SDK1: variants seen among roughly 807,000 people sequenced by gnomAD.
SDK1 encodes the protein protein sidekick-1.
A neutral mutation model predicts 245.5 loss-of-function variants in SDK1; 157 were observed. The observed-to-expected ratio is 0.64, with a 90% CI of 0.56 to 0.73. The LOEUF is 0.73. SDK1 is among the 30% of genes least tolerant of loss of function. The pLI is 0.00. For synonymous variants in SDK1, 1,647 were observed against 1,278.5 expected (o/e 1.29, Z -6.15); for missense variants, 3,583 against 3,002.3 (o/e 1.19, Z -4.52).
At chr7:3,475,504 G>C (rs905619264) in intron 1 of SDK1, among the ~76,000 whole-genome samples, 1 of 152,226 alleles carries the variant, frequency 6.6e-6, no homozygotes, top group Admixed American at 6.5e-5. Flanking sequence ...GGACAAAGGA[G>C]ATGCTTCACA....
intron 1 of SDK1, among the ~76,000 whole-genome samples, chr7:3,528,617 A>C (rs1714787659): frequency 6.6e-6 from 1 of 152,124 alleles, no homozygotes; most frequent in African/African-American, 2.4e-5. Flanking sequence ...TTCTCATAAC[A>C]ATCTTTGTAA....
chr7:3,453,196 G>C (rs1780569851), intron 1 of SDK1, among the ~76,000 whole-genome samples: 1 of 152,146 alleles, frequency 6.6e-6, no homozygotes, highest in South Asian at 2.1e-4. Context: ...TATCTGAGCA[G>C]AGCCAGTGCC....
intron 4 of SDK1, among the ~76,000 whole-genome samples, chr7:3,666,661 TG>T (rs1178858489): frequency 5.3e-5 from 8 of 151,892 alleles, no homozygotes; most frequent in African/African-American, 1.9e-4. Context: ...TGTGCGTCGT[TG>T]GCGATTGGTA....
chr7:3,636,385 C>G (rs560942003), intron 2 of SDK1, among the ~76,000 whole-genome samples: 6 of 152,162 alleles, frequency 3.9e-5, no homozygotes, highest in Non-Finnish European at 7.4e-5. Flanking sequence ...CCTGTACCCA[C>G]TAGTGGCCAC....
intron 2 of SDK1, among the ~76,000 whole-genome samples, chr7:3,635,951 C>T (rs1782445138): frequency 6.6e-6 from 1 of 152,152 alleles, no homozygotes; most frequent in East Asian, 1.9e-4. Flanking sequence ...TAGACACCTT[C>T]CCATATGTGA....
intron 41 of SDK1, among the ~76,000 whole-genome samples, chr7:4,236,886 C>T (rs34177767): frequency 0.19 from 28,767 of 152,034 alleles, 3,054 homozygotes; most frequent in Non-Finnish European, 0.24. Flanking sequence ...TCACTTTAAC[C>T]CACACAACGT....
chr7:4,125,337 A>G (rs1784322215), intron 25 of SDK1, among the ~76,000 whole-genome samples: 1 of 147,058 alleles, frequency 6.8e-6, no homozygotes, highest in South Asian at 2.3e-4. Flanking sequence ...GGATGGATGA[A>G]TGAATAGATG....
intron 17 of SDK1, among the ~76,000 whole-genome samples, chr7:4,021,534 G>T (rs1786894913): frequency 6.6e-6 from 1 of 152,280 alleles, no homozygotes; most frequent in African/African-American, 2.4e-5. Flanking sequence ...CAGCTCCGAG[G>T]TCATCAGAGA....
intron 17 of SDK1, among the ~76,000 whole-genome samples, chr7:4,032,914 C>T (rs897786530): frequency 5.9e-5 from 9 of 152,200 alleles, no homozygotes; most frequent in Non-Finnish European, 1.0e-4. Flanking sequence ...AGAATTGTCA[C>T]ATGATCCCCA....
rs1584043441 is a variant in SDK1 at position 4,077,189 on chromosome 7, G to A, written c.3202G>A (p.Asp1068Asn). The A allele has an allele frequency of 1.2e-6, 2 of 1,613,934 alleles. No individual in the cohort carries two copies. The highest frequency in any genetic ancestry group is 4.5e-5 in the East Asian group (2 of 44,886). ...SSTISSGVPPDLPGAPSNLVI... is the reference protein window; with the variant it reads ...SSTISSGVPPNLPGAPSNLVI... ...CACCATTTCTTCTGGAGTGCCCCCAGGTCAGTAGAATCGTGTGCGGTCCTC... is the reference window on the plus strand; with the variant it reads ...CACCATTTCTTCTGGAGTGCCCCCAAGTCAGTAGAATCGTGTGCGGTCCTC... Residue 1068 changes from aspartate (D) to asparagine (N), a missense_variant and splice_region_variant, in exon 21 of 45, where the codon GAC becomes AAC. Transcript: ENST00000404826.
At chr7:3,501,042 C>T (rs1294212522) in intron 1 of SDK1, among the ~76,000 whole-genome samples, 1 of 152,044 alleles carries the variant, frequency 6.6e-6, no homozygotes, top group Non-Finnish European at 1.5e-5. Context: ...TGATTTCTAA[C>T]TTCTCTGTTA....
chr7:3,757,595 C>T (rs573435096), intron 4 of SDK1, among the ~76,000 whole-genome samples: 386 of 152,154 alleles, frequency 2.5e-3, no homozygotes, highest in Non-Finnish European at 4.4e-3. Context: ...TCAGGAATAG[C>T]GAAATTGAGG....
intron 17 of SDK1, among the ~76,000 whole-genome samples, chr7:4,019,957 C>T (rs902719240): frequency 2.6e-5 from 4 of 152,154 alleles, no homozygotes; most frequent in Non-Finnish European, 5.9e-5. Context: ...GTCTCGGACT[C>T]CCGTGTGCTC....
At chr7:4,060,130 C>T (rs1002520956) in intron 19 of SDK1, among the ~76,000 whole-genome samples, 1 of 152,144 alleles carries the variant, frequency 6.6e-6, no homozygotes, top group Non-Finnish European at 1.5e-5. Context: ...ATCCGCCCGC[C>T]TCGGCCTTCC....
intron 1 of SDK1, among the ~76,000 whole-genome samples, chr7:3,419,359 T>C (rs1475407023): frequency 6.6e-6 from 1 of 152,168 alleles, no homozygotes; most frequent in African/African-American, 2.4e-5. Flanking sequence ...GTAATTAGGA[T>C]CCACTGTTGT....
intron 4 of SDK1, among the ~76,000 whole-genome samples, chr7:3,662,463 C>T (rs1472712075): frequency 6.6e-6 from 1 of 152,112 alleles, no homozygotes; most frequent in Non-Finnish European, 1.5e-5. Context: ...AGACAACTCT[C>T]CTAGATTCTG....
At chr7:3,588,926 G>T (rs1189320491) in intron 1 of SDK1, among the ~76,000 whole-genome samples, 1 of 152,188 alleles carries the variant, frequency 6.6e-6, no homozygotes. Context: ...TGAGATCAAA[G>T]TTGTTATATA....
intron 3 of SDK1, among the ~76,000 whole-genome samples, chr7:3,639,650 G>C (rs1168307881): frequency 6.6e-6 from 1 of 152,118 alleles, no homozygotes; most frequent in African/African-American, 2.4e-5. Flanking sequence ...GAGATATCAA[G>C]AATGCAGGAA....
chr7:3,971,690 C>T (rs954479667), intron 12 of SDK1, 122 bp downstream of exon 12: 45 of 737,264 alleles, frequency 6.1e-5, no homozygotes, highest in Middle Eastern at 5.8e-4. Context: ...TCCCTGATTA[C>T]GGTATCTTCT....
Sources: gnomAD v4.1 joint callset for allele counts (sites outside exome capture counted in the v4.1 genomes callset) on GRCh38, gnomAD v4.1.1 for gene constraint, MANE v1.5 for transcripts, NCBI Gene and HGNC (gene_info 2026-07-23, HGNC 2026-07-21) for gene names.